PLCH1: variants seen among roughly 807,000 people sequenced by gnomAD.
PLCH1 encodes 1-phosphatidylinositol 4,5-bisphosphate phosphodiesterase eta-1.
PLCH1 carries 60 observed loss-of-function variants against 126.7 expected under a neutral mutation model. That is an observed-to-expected ratio of 0.47 (90% CI 0.38 to 0.59). PLCH1 has a LOEUF of 0.59. Among genes scored for constraint, PLCH1 ranks in the 20% least tolerant of loss-of-function variants. The probability of loss-of-function intolerance (pLI) is 0.00; values close to 1 mark genes in which losing one functional copy is unlikely to be tolerated. For missense variants in PLCH1, 1,723 were observed against 2,040.0 expected (o/e 0.84, Z 2.99); for synonymous variants, 719 against 734.9 (o/e 0.98, Z 0.35).
At chr3:155,586,224 C>T (rs2108608468) in intron 4 of PLCH1, 30 bp from the exon 5 acceptor site, 6 of 1,608,240 alleles carry the variant, frequency 3.7e-6, no homozygotes, top group Non-Finnish European at 5.1e-6. Context: ...AACACCTGTG[C>T]TCTCATCAAA....
At chr3:155,459,639 A>G (rs1712637473) in intron 21 of PLCH1, among the ~76,000 whole-genome samples, 1 of 152,142 alleles carries the variant, frequency 6.6e-6, no homozygotes, top group Non-Finnish European at 1.5e-5. Flanking sequence ...CCAGCTGTTT[A>G]TATTTTCCAG....
At chr3:155,523,654 G>C (rs1721500165) in intron 11 of PLCH1, among the ~76,000 whole-genome samples, 1 of 152,140 alleles carries the variant, frequency 6.6e-6, no homozygotes, top group East Asian at 1.9e-4. Context: ...TTTATCCCTG[G>C]AGAGAGGGTT....
At chr3:155,677,755 A>G (rs752807629) in intron 2 of PLCH1, among the ~76,000 whole-genome samples, 8 of 152,202 alleles carry the variant, frequency 5.3e-5, no homozygotes, top group South Asian at 2.1e-4. Context: ...CTTTACATCA[A>G]CCCAGGAAAG....
chr3:155,486,255 G>A, intron 21 of PLCH1: 1 of 1,172,744 alleles, frequency 8.5e-7, no homozygotes, highest in Non-Finnish European at 1.2e-6. Flanking sequence ...GGGGCTCATT[G>A]AAGAGGGTGT....
At chr3:155,685,705 AG>A (rs1744881268) in intron 2 of PLCH1, among the ~76,000 whole-genome samples, 1 of 152,194 alleles carries the variant, frequency 6.6e-6, no homozygotes, top group Non-Finnish European at 1.5e-5. Context: ...CAGATGCAAA[AG>A]TTCCTAGCCC....
intron 2 of PLCH1, among the ~76,000 whole-genome samples, chr3:155,663,646 GC>G (rs1169107213): frequency 2.0e-5 from 3 of 152,076 alleles, no homozygotes; most frequent in Non-Finnish European, 4.4e-5. Context: ...TGTGCCTCAC[GC>G]AGGGGCTATG....
At chr3:155,604,877 C>T (rs1401694) in intron 2 of PLCH1, among the ~76,000 whole-genome samples, 1 of 152,196 alleles carries the variant, frequency 6.6e-6, no homozygotes, top group Non-Finnish European at 1.5e-5. Flanking sequence ...TTTGCCTCCT[C>T]TGCAAGGTTT....
In PLCH1 at chr3:155,733,934, C is replaced by CATAT. The variant is rs35149793; in HGVS notation, c.-41+10902_-41+10905dup. Among the ~76,000 whole-genome samples, 955 of 97,656 alleles carry CATAT rather than the reference C, an allele frequency of 9.8e-3. 31 individuals are homozygous for CATAT. The highest frequency in any genetic ancestry group is 0.019 in the Middle Eastern group (3 of 160). The allele number at this position is 97,656 out of a possible 152,430, so 64.1% of individuals were successfully genotyped here. A position where few individuals can be genotyped will look rare whatever the true frequency, so the allele number is the denominator to read the frequency against. ...AACATACAAATGGCCAACAGGTATA[C>CATAT]ATATATATATATATATATATATATA... On this transcript the variant is annotated intron_variant, in intron 1 of 22. Coordinates refer to ENST00000460012, the MANE Select transcript of PLCH1 (RefSeq NM_014996.4).
chr3:155,488,888 C>T (rs144514632), intron 19 of PLCH1, 82 bp from the exon 20 acceptor site: 33 of 1,237,552 alleles, frequency 2.7e-5, no homozygotes, highest in East Asian at 1.5e-4. Context: ...GCAAAGCAGA[C>T]GGTGAAAATT....
At chr3:155,581,899 G>A (rs940640518) in intron 6 of PLCH1, among the ~76,000 whole-genome samples, 8 of 151,496 alleles carry the variant, frequency 5.3e-5, no homozygotes, top group Non-Finnish European at 1.2e-4. Context: ...ATAGGCATGT[G>A]CCACCACACC....
intron 2 of PLCH1, among the ~76,000 whole-genome samples, chr3:155,653,190 TATATAG>T (rs1206889917): frequency 1.5e-5 from 2 of 130,942 alleles, no homozygotes; most frequent in Non-Finnish European, 1.7e-5. Flanking sequence ...TAGATATAGA[TATATAG>T]ATATAGATGA....
chr3:155,555,056 T>C (rs562894135), intron 8 of PLCH1, among the ~76,000 whole-genome samples: 59 of 152,354 alleles, frequency 3.9e-4, no homozygotes, highest in African/African-American at 1.4e-3. Flanking sequence ...AAACACTACT[T>C]TCACCTCATT....
intron 4 of PLCH1, among the ~76,000 whole-genome samples, chr3:155,592,174 TAAAAAAAAAA>T (rs11329108): frequency 6.7e-4 from 87 of 129,306 alleles, no homozygotes; most frequent in Admixed American, 4.7e-4. Context: ...TTTTCTCTTT[TAAAAAAAAAA>T]AAAAAAAAAA....
intron 10 of PLCH1, among the ~76,000 whole-genome samples, chr3:155,545,657 G>A (rs1182957187): frequency 4.6e-5 from 7 of 152,042 alleles, no homozygotes; most frequent in South Asian, 2.1e-4. Context: ...CTGGCAAACC[G>A]AATCCAGCAG....
chr3:155,641,319 T>G (rs1301480832), intron 2 of PLCH1, among the ~76,000 whole-genome samples: 15 of 151,062 alleles, frequency 9.9e-5, no homozygotes, highest in African/African-American at 2.9e-4. Flanking sequence ...CTTTATAGAT[T>G]TTTTTTTTAG....
At chr3:155,662,381 T>C (rs1033518873) in intron 2 of PLCH1, among the ~76,000 whole-genome samples, 1 of 151,968 alleles carries the variant, frequency 6.6e-6, no homozygotes, top group African/African-American at 2.4e-5. Context: ...AGTAGGAGAA[T>C]AGTTTGAGCC....
intron 4 of PLCH1, among the ~76,000 whole-genome samples, chr3:155,588,986 T>C (rs1357983068): frequency 6.6e-6 from 1 of 152,222 alleles, no homozygotes; most frequent in Admixed American, 6.5e-5. Flanking sequence ...TTAAAGATGT[T>C]CTTCATAATT....
At chr3:155,527,886 C>T (rs1214343714) in intron 10 of PLCH1, among the ~76,000 whole-genome samples, 10 of 146,228 alleles carry the variant, frequency 6.8e-5, no homozygotes, top group African/African-American at 2.3e-4. Context: ...TCCCACTGCA[C>T]TCCAGCCTGG....
intron 2 of PLCH1, among the ~76,000 whole-genome samples, chr3:155,697,390 T>G (rs1330470993): frequency 6.6e-6 from 1 of 152,090 alleles, no homozygotes; most frequent in African/African-American, 2.4e-5. Context: ...CCTGAGCCGC[T>G]GTTAGGCGTA....
Sources: gnomAD v4.1 joint callset for allele counts (sites outside exome capture counted in the v4.1 genomes callset) on GRCh38, gnomAD v4.1.1 for gene constraint, MANE v1.5 for transcripts, NCBI Gene and HGNC (gene_info 2026-07-23, HGNC 2026-07-21) for gene names.